PCDH11X: variants seen among roughly 807,000 people sequenced by gnomAD.
The protein encoded by PCDH11X is protocadherin-11 X-linked.
In PCDH11X, 18 loss-of-function variants were observed where a neutral mutation model predicts 53.3. That is an observed-to-expected ratio of 0.34 (90% CI 0.23 to 0.50). The LOEUF is 0.50. PCDH11X is among the 20% of genes least tolerant of loss of function. The probability of loss-of-function intolerance (pLI) is 0.98; values close to 1 mark genes in which losing one functional copy is unlikely to be tolerated. For missense variants in PCDH11X, 570 were observed against 1,032.4 expected, an observed-to-expected ratio of 0.55 and a Z score of 6.14; for synonymous variants, 279 against 393.3, an observed-to-expected ratio of 0.71 and a Z score of 3.44.
intron 6 of PCDH11X, among the ~76,000 whole-genome samples, chrX:91,902,266 C>T (rs1408889341): frequency 1.8e-5 from 2 of 110,424 alleles, no homozygotes; most frequent in Non-Finnish European, 3.8e-5. Context: ...TCTCTATCCC[C>T]TCCATTCACT....
At chrX:91,779,909 C>A (rs1002861864) in intron 1 of PCDH11X, among the ~76,000 whole-genome samples, 2 of 111,460 alleles carry the variant, frequency 1.8e-5, no homozygotes, top group Non-Finnish European at 3.8e-5. Context: ...TTTTGCACTA[C>A]CACCGCTGCG....
At chrX:92,075,958 A>G (rs1467131890) in intron 6 of PCDH11X, among the ~76,000 whole-genome samples, 1 of 110,340 alleles carries the variant, frequency 9.1e-6, no homozygotes, top group Non-Finnish European at 1.9e-5. Flanking sequence ...GTGTACAAAA[A>G]CATCAAGCAT....
chrX:91,955,368 G>A (rs906054955), intron 6 of PCDH11X, among the ~76,000 whole-genome samples: 1 of 109,893 alleles, frequency 9.1e-6, no homozygotes, highest in African/African-American at 3.3e-5. Flanking sequence ...TTGTAGTATA[G>A]TTTGAAGTTG....
chrX:92,529,293 G>T (rs2074513356), intron 10 of PCDH11X, among the ~76,000 whole-genome samples: 1 of 109,812 alleles, frequency 9.1e-6, no homozygotes, highest in Non-Finnish European at 1.9e-5. Flanking sequence ...TTATTCCATG[G>T]CTGAAAAGGT....
At chrX:92,270,834 G>T (rs1286705620) in intron 8 of PCDH11X, among the ~76,000 whole-genome samples, 1 of 112,119 alleles carries the variant, frequency 8.9e-6, no homozygotes, top group Non-Finnish European at 1.9e-5. Flanking sequence ...GGAACAAAAA[G>T]AAAGTCAGTT....
chrX:92,287,485 T>C lies in PCDH11X; in HGVS notation c.3144+24342T>C, dbSNP rs141377677. Reference sequence around the variant, plus strand: ...AGCTTCTTTTTCACCTCTCCCAGAATACTTCTCATTCAGTATCCACCGTTG... The same window carrying C: ...AGCTTCTTTTTCACCTCTCCCAGAACACTTCTCATTCAGTATCCACCGTTG... On this transcript the variant is annotated intron_variant, in intron 8 of 10. Coordinates refer to ENST00000682573, the MANE Select transcript of PCDH11X (RefSeq NM_032968.5). 4.5e-3 allele frequency among the ~76,000 whole-genome samples: 499 copies of C among 111,141 alleles called. 12 individuals carry two copies. The East Asian group carries it at 0.11, about 25-fold the overall frequency.
intron 9 of PCDH11X, among the ~76,000 whole-genome samples, chrX:92,447,555 C>T (rs1319863757): frequency 8.9e-6 from 1 of 111,810 alleles, no homozygotes; most frequent in Non-Finnish European, 1.9e-5. Context: ...GGTTTGGGAA[C>T]CTCTGCCTAG....
rs764959497 is a variant in PCDH11X at position 91,789,200 on chromosome X, CA to C, written c.-379+9539del. 8.9e-3 allele frequency among the ~76,000 whole-genome samples: 421 copies of C among 47,136 alleles called. 2 individuals are homozygous for C. The highest frequency in any genetic ancestry group is 0.013 in the Admixed American group (37 of 2,937). 40.9% of individuals were successfully genotyped at this position (47,136 alleles called of 115,157 possible). On this transcript the variant is annotated intron_variant, in intron 1 of 10. Coordinates refer to ENST00000682573, the MANE Select transcript of PCDH11X (RefSeq NM_032968.5). ...CTGGCAACAGAGCAGGACTCCGTCT[CA>C]AAAAAAAAAAAAAAAAAAAAAAGAA...
At chrX:92,268,847 A>T (rs1156995135) in intron 8 of PCDH11X, among the ~76,000 whole-genome samples, 1 of 112,311 alleles carries the variant, frequency 8.9e-6, no homozygotes, top group Non-Finnish European at 1.9e-5. Flanking sequence ...ACAGTGGCCG[A>T]TAACATCAGT....
intron 6 of PCDH11X, among the ~76,000 whole-genome samples, chrX:92,092,369 C>G (rs778275950): frequency 1.2e-3 from 132 of 111,376 alleles, no homozygotes; most frequent in Non-Finnish European, 2.3e-3. Context: ...AAATTTGAGA[C>G]AAGTCTTAGT....
chrX:92,048,090 A>G (rs1187599056), intron 6 of PCDH11X, among the ~76,000 whole-genome samples: 1 of 111,282 alleles, frequency 9.0e-6, no homozygotes, highest in African/African-American at 3.3e-5. Context: ...ATGTTTGTGG[A>G]TGCCTTAAAA....
At chrX:92,232,252 C>G (rs1202739975) in intron 7 of PCDH11X, among the ~76,000 whole-genome samples, 1 of 110,774 alleles carries the variant, frequency 9.0e-6, no homozygotes, top group Non-Finnish European at 1.9e-5. Flanking sequence ...CAGGTCTCCT[C>G]AAAATAATGG....
chrX:92,412,407 C>T (rs780276584), intron 9 of PCDH11X, among the ~76,000 whole-genome samples: 10 of 105,189 alleles, frequency 9.5e-5, no homozygotes, highest in Admixed American at 4.2e-4. Context: ...CCCAATTGTA[C>T]GTCTCAGAAC....
chrX:91,965,190 T>C (rs2061847293), intron 6 of PCDH11X, among the ~76,000 whole-genome samples: 1 of 110,225 alleles, frequency 9.1e-6, no homozygotes, highest in Non-Finnish European at 1.9e-5. Context: ...AAGTGGGAGA[T>C]AATATAAAAG....
rs192078080 is a variant in PCDH11X, at chrX:91,969,018, T to A, written c.3033+89745T>A. On this transcript the variant is annotated intron_variant, in intron 6 of 10. Coordinates refer to ENST00000682573, the MANE Select transcript of PCDH11X (RefSeq NM_032968.5). ...AATTGAAATATAAACAGAAAAGATG[T>A]GTGTTTTCTTTCCCAGCTCTTTTCC... 2.7e-5 allele frequency among the ~76,000 whole-genome samples: 3 copies of A among 111,030 alleles called. No individual in the cohort carries two copies. The Admixed American group carries it at 2.9e-4, about 11-fold the overall frequency.
intron 6 of PCDH11X, among the ~76,000 whole-genome samples, chrX:92,157,630 A>C (rs2148252150): frequency 8.9e-6 from 1 of 112,020 alleles, no homozygotes; most frequent in Non-Finnish European, 1.9e-5. Context: ...CATTTACATT[A>C]AAATGAATAA....
At chrX:91,938,114 C>A (rs1839013622) in intron 6 of PCDH11X, among the ~76,000 whole-genome samples, 1 of 111,436 alleles carries the variant, frequency 9.0e-6, no homozygotes, top group South Asian at 3.7e-4. Context: ...GCTACAACTT[C>A]CCTTTAATAT....
chrX:92,221,246 A>AT (rs1224812850), intron 7 of PCDH11X, among the ~76,000 whole-genome samples: 2,287 of 38,278 alleles, frequency 0.06, 73 homozygotes, highest in African/African-American at 0.16. Context: ...AAAATTGCTC[A>AT]TTTTTTTTTT....
chrX:92,157,378 CCTA>C (rs1376613307), intron 6 of PCDH11X, among the ~76,000 whole-genome samples: 2 of 111,245 alleles, frequency 1.8e-5, no homozygotes, highest in Non-Finnish European at 3.8e-5. Flanking sequence ...TTTTTTTATT[CCTA>C]CTGAGTATTA....
Sources: allele counts gnomAD v4.1 joint callset (sites outside exome capture counted in the v4.1 genomes callset), GRCh38; gene constraint gnomAD v4.1.1; transcripts MANE v1.5; gene names NCBI Gene and HGNC (gene_info 2026-07-23, HGNC 2026-07-21).